The following CAP2 variants were observed in gnomAD, a reference collection of about 807,000 sequenced individuals.
CAP2 encodes the protein adenylyl cyclase-associated protein 2.
In CAP2, 24 loss-of-function variants were observed where a neutral mutation model predicts 57.7. That is an observed-to-expected ratio of 0.42 (90% CI 0.30 to 0.58). The LOEUF (loss-of-function observed/expected upper bound fraction) is 0.58. CAP2 is among the 20% of genes least tolerant of loss of function. The probability of loss-of-function intolerance (pLI) is 0.22; values close to 1 mark genes in which losing one functional copy is unlikely to be tolerated. For synonymous variants in CAP2, 194 were observed against 207.2 expected (o/e 0.94, Z 0.55); for missense variants, 501 against 590.3 (o/e 0.85, Z 1.57).
At chr6:17,434,154 G>T (rs1241775315) in intron 3 of CAP2, among the ~76,000 whole-genome samples, 4 of 151,810 alleles carry the variant, frequency 2.6e-5, no homozygotes, top group Non-Finnish European at 5.9e-5. Flanking sequence ...TATGCTTTCT[G>T]CCAAACTCTT....
intron 3 of CAP2, among the ~76,000 whole-genome samples, chr6:17,445,571 A>C (rs1436392833): frequency 6.6e-6 from 1 of 152,208 alleles, no homozygotes; most frequent in Non-Finnish European, 1.5e-5. Flanking sequence ...TTGGGAAATT[A>C]AACTTTTGGT....
intron 1 of CAP2, among the ~76,000 whole-genome samples, chr6:17,403,539 A>G (rs911486642): frequency 6.6e-6 from 1 of 152,196 alleles, no homozygotes; most frequent in Non-Finnish European, 1.5e-5. Context: ...AATTTGTAAT[A>G]TTTGTGTTGT....
intron 1 of CAP2, among the ~76,000 whole-genome samples, chr6:17,411,282 C>T (rs975573876): frequency 1.3e-5 from 2 of 152,128 alleles, no homozygotes; most frequent in Admixed American, 6.5e-5. Flanking sequence ...TGTGTGTGAA[C>T]ATATATTTTT....
chr6:17,546,188 A>G (rs1763041836), intron 11 of CAP2, among the ~76,000 whole-genome samples: 1 of 152,168 alleles, frequency 6.6e-6, no homozygotes, highest in Non-Finnish European at 1.5e-5. Context: ...ATTTCTCCAC[A>G]TCCTCTCCAG....
intron 11 of CAP2, among the ~76,000 whole-genome samples, chr6:17,544,130 AAAAAAAAG>A (rs1350284201): frequency 5.3e-5 from 8 of 151,116 alleles, no homozygotes; most frequent in Admixed American, 4.0e-4. Context: ...GTCTCAAAAA[AAAAAAAAG>A]AAAAGAAAAA....
At chr6:17,479,137 T>A (rs986512303) in intron 4 of CAP2, among the ~76,000 whole-genome samples, 8 of 152,288 alleles carry the variant, frequency 5.3e-5, no homozygotes, top group Admixed American at 5.2e-4. Context: ...CTGAAGGCTC[T>A]TGCTCCACGG....
chr6:17,478,853 C>T (rs565786998), intron 4 of CAP2, among the ~76,000 whole-genome samples: 1 of 152,262 alleles, frequency 6.6e-6, no homozygotes, highest in African/African-American at 2.4e-5. Context: ...TTCCATTCAG[C>T]CTCCTTGAAG....
At chr6:17,445,137 T>C (rs1445160275) in intron 3 of CAP2, among the ~76,000 whole-genome samples, 2 of 152,224 alleles carry the variant, frequency 1.3e-5, no homozygotes, top group Non-Finnish European at 2.9e-5. Flanking sequence ...GACAGAGCCT[T>C]ACTCCGCCAC....
chr6:17,402,979 C>T (rs1010499613), intron 1 of CAP2, among the ~76,000 whole-genome samples: 3 of 152,194 alleles, frequency 2.0e-5, no homozygotes, highest in African/African-American at 7.2e-5. Flanking sequence ...AGTGACATTT[C>T]TATAACAAAA....
chr6:17,512,155 TGAG>T (rs1168577515), intron 6 of CAP2, among the ~76,000 whole-genome samples: 1 of 152,032 alleles, frequency 6.6e-6, no homozygotes, highest in Admixed American at 6.6e-5. Flanking sequence ...TTTGGGAGGC[TGAG>T]GAGGGAAGAT....
At chr6:17,395,110 G>A (rs1183830160) in intron 1 of CAP2, among the ~76,000 whole-genome samples, 8 of 152,184 alleles carry the variant, frequency 5.3e-5, no homozygotes, top group Non-Finnish European at 7.4e-5. Flanking sequence ...AATCAGGAAG[G>A]TGATTATCAA....
intron 11 of CAP2, 109 bp downstream of exon 11, chr6:17,543,252 G>A (rs535619999): frequency 2.0e-5 from 17 of 853,740 alleles, no homozygotes; most frequent in South Asian, 4.4e-5. Flanking sequence ...TTCCAACCAC[G>A]CTGTAATAAG....
Position 17,465,892 on chromosome 6 carries a change from T to C in CAP2, c.300+2819T>C, listed in dbSNP as rs1461793343. On this transcript the variant is annotated intron_variant, in intron 4 of 12. Coordinates refer to ENST00000229922, the MANE Select transcript of CAP2 (RefSeq NM_006366.3). ...CCATATGGCCAGTGTTCCACAGCGTTCCCTGGGAAGCCCCAGGGGCTCAAA... is the reference window on the plus strand; with the variant it reads ...CCATATGGCCAGTGTTCCACAGCGTCCCCTGGGAAGCCCCAGGGGCTCAAA... Among the ~76,000 whole-genome samples the C allele has an allele frequency of 3.3e-5, 5 of 152,156 alleles. No individual in the cohort carries two copies. The East Asian group carries it at 7.7e-4, about 23-fold the overall frequency.
rs78247829 is a variant in CAP2 at position 17,509,373 on chromosome 6, A to G, written c.530+1647A>G. ...CCCTCAAGTTAAGAACTATGTAACA[A>G]TATTTTTTTACTATAAAAAGCAGAC... On this transcript the variant is annotated intron_variant, in intron 6 of 12. Transcript: ENST00000229922. Among the ~76,000 whole-genome samples, 84 of 152,234 alleles carry G rather than the reference A, an allele frequency of 5.5e-4. 1 individual carries two copies. The East Asian group carries it at 9.6e-3, about 17-fold the overall frequency.
intron 4 of CAP2, among the ~76,000 whole-genome samples, chr6:17,467,143 C>T (rs1459558049): frequency 2.0e-5 from 3 of 152,054 alleles, no homozygotes; most frequent in Non-Finnish European, 2.9e-5. Flanking sequence ...AAAACTAAAC[C>T]AACATGAGTG....
At chr6:17,475,172 G>A (rs1034558462) in intron 4 of CAP2, among the ~76,000 whole-genome samples, 5 of 149,158 alleles carry the variant, frequency 3.4e-5, no homozygotes, top group Admixed American at 2.0e-4. Context: ...TTCAGCCTGC[G>A]CAGCAGAGCA....
At chr6:17,499,782 T>C (rs1761756484) in intron 4 of CAP2, among the ~76,000 whole-genome samples, 1 of 151,806 alleles carries the variant, frequency 6.6e-6, no homozygotes, top group Non-Finnish European at 1.5e-5. Context: ...GCCTGGGAGA[T>C]TGAGGTTGCA....
chr6:17,452,229 A>G (rs893292891), intron 3 of CAP2, among the ~76,000 whole-genome samples: 8 of 152,352 alleles, frequency 5.3e-5, no homozygotes, highest in African/African-American at 1.7e-4. Flanking sequence ...CTTCTGTCTC[A>G]CCATGGCAAT....
At chr6:17,530,038 G>A (rs891493952) in intron 7 of CAP2, among the ~76,000 whole-genome samples, 2 of 152,096 alleles carry the variant, frequency 1.3e-5, no homozygotes, top group South Asian at 2.1e-4. Context: ...GTAGCATGAA[G>A]ATGTAAGTGT....
Sources: gnomAD v4.1 joint callset for allele counts (sites outside exome capture counted in the v4.1 genomes callset) on GRCh38, gnomAD v4.1.1 for gene constraint, MANE v1.5 for transcripts, NCBI Gene and HGNC (gene_info 2026-07-23, HGNC 2026-07-21) for gene names.